The following COL22A1 variants were observed in gnomAD, a reference collection of about 807,000 sequenced individuals.
COL22A1 encodes the protein collagen alpha-1(XXII) chain.
COL22A1 carries 221 observed loss-of-function variants against 248.9 expected under a neutral mutation model. That is an observed-to-expected ratio of 0.89 (90% CI 0.80 to 0.99). The LOEUF (loss-of-function observed/expected upper bound fraction) is 0.99. Among genes scored for constraint, COL22A1 ranks in the 50% least tolerant of loss-of-function variants. The pLI is 0.00. For missense variants in COL22A1, 2,240 were observed against 2,179.0 expected (o/e 1.03, Z -0.56); for synonymous variants, 891 against 793.4 (o/e 1.12, Z -2.07).
At chr8:138,758,450 T>A (rs1833202290) in intron 18 of COL22A1, among the ~76,000 whole-genome samples, 1 of 152,166 alleles carries the variant, frequency 6.6e-6, no homozygotes. Flanking sequence ...AGTAAAATCA[T>A]TAAAAGGGCA....
At chr8:138,725,283 G>T in intron 24 of COL22A1, 104 bp downstream of exon 24, 1 of 1,186,430 alleles carries the variant, frequency 8.4e-7, no homozygotes, top group Non-Finnish European at 1.3e-6. Context: ...CACTGGACTT[G>T]GGTGGATAAA....
intron 27 of COL22A1, 91 bp downstream of exon 27, chr8:138,720,648 C>T (rs1349298841): frequency 2.8e-6 from 3 of 1,062,640 alleles, no homozygotes; most frequent in Non-Finnish European, 4.4e-6. Flanking sequence ...GATATAGACG[C>T]TATGCTTATG....
rs555993178 is a variant in COL22A1 at position 138,794,993 on chromosome 8, G to A, written c.1596+1826C>T. 2.6e-4 allele frequency among the ~76,000 whole-genome samples: 39 copies of A among 152,184 alleles called. No homozygotes were observed. The South Asian group carries it at 6.4e-3, about 25-fold the overall frequency. ...TTCTAGGGATCTGCTGTGCCACACC[G>A]TGCCTATGATCAACAGTACTGTACT... On this transcript the variant is annotated intron_variant, in intron 12 of 64. Transcript: ENST00000303045.
At chr8:138,840,458 A>G (rs566847645) in intron 4 of COL22A1, among the ~76,000 whole-genome samples, 1 of 152,188 alleles carries the variant, frequency 6.6e-6, no homozygotes, top group Admixed American at 6.5e-5. Flanking sequence ...GTCACCAAAC[A>G]GACTCTTTGA....
At chr8:138,885,541 T>C (rs967353621) in intron 1 of COL22A1, among the ~76,000 whole-genome samples, 2 of 152,114 alleles carry the variant, frequency 1.3e-5, no homozygotes, top group Admixed American at 1.3e-4. Context: ...CTACCTACTA[T>C]ATTCACCAAA....
chr8:138,745,423 T>C (rs1832027300), intron 22 of COL22A1, among the ~76,000 whole-genome samples: 1 of 152,210 alleles, frequency 6.6e-6, no homozygotes, highest in Admixed American at 6.5e-5. Flanking sequence ...TATATTAATG[T>C]CATTACCTAT....
At chr8:138,654,909 C>G (rs79281522) in intron 45 of COL22A1, among the ~76,000 whole-genome samples, 2,347 of 152,246 alleles carry the variant, frequency 0.015, 57 homozygotes, top group African/African-American at 0.054. Context: ...TGAGTTTGTC[C>G]TGGATAAAAG....
At chr8:138,810,709 A>G (rs945562867) in intron 9 of COL22A1, among the ~76,000 whole-genome samples, 11 of 152,174 alleles carry the variant, frequency 7.2e-5, no homozygotes, top group Non-Finnish European at 1.6e-4. Flanking sequence ...GGGTAGCACA[A>G]AAAGAAGGAA....
At chr8:138,824,586 C>A (rs1563812837) in intron 6 of COL22A1, among the ~76,000 whole-genome samples, 1 of 152,164 alleles carries the variant, frequency 6.6e-6, no homozygotes, top group Non-Finnish European at 1.5e-5. Context: ...ACCCAAATGA[C>A]AAATGGGGAA....
intron 31 of COL22A1, among the ~76,000 whole-genome samples, chr8:138,702,597 A>T (rs971752715): frequency 3.4e-5 from 5 of 148,966 alleles, no homozygotes; most frequent in Non-Finnish European, 4.4e-5. Context: ...CAAGATGAGG[A>T]AGAAACATTA....
intron 28 of COL22A1, among the ~76,000 whole-genome samples, 168 bp downstream of exon 28, chr8:138,716,657 G>T (rs556385792): frequency 2.2e-4 from 34 of 152,224 alleles, no homozygotes; most frequent in Non-Finnish European, 5.9e-5. Context: ...GCCACCACTC[G>T]TGACATCTGT....
At chr8:138,796,955 A>G in intron 11 of COL22A1, 98 bp from the exon 12 acceptor site, 2 of 857,296 alleles carry the variant, frequency 2.3e-6, no homozygotes, top group Non-Finnish European at 4.1e-6. Context: ...AGGATTAGAT[A>G]TTTTCTCATC....
In COL22A1 at chr8:138,726,625, G is replaced by T. The variant is rs9324494; in HGVS notation, c.2140-1185C>A. Among the ~76,000 whole-genome samples, 1,190 of 152,296 alleles carry T rather than the reference G, an allele frequency of 7.8e-3. 19 individuals are homozygous for T. Among genetic ancestry groups the T allele is most frequent in the African/African-American group, 0.027 (1,135 of 41,552 alleles). On this transcript the variant is annotated intron_variant, in intron 23 of 64. Transcript: ENST00000303045. ...CCTGGGAGTGATGCTGCACTCAGAG[G>T]GATGAAGGCAAGTGGGCAGAGAAGG...
chr8:138,685,110 C>G (rs1413563426), intron 38 of COL22A1, 98 bp downstream of exon 38: 2 of 874,118 alleles, frequency 2.3e-6, no homozygotes, highest in Admixed American at 4.3e-5. Context: ...GGCCACGGTT[C>G]AATTTCTGCA....
At chr8:138,630,789 A>G in intron 49 of COL22A1, 41 bp from the exon 50 acceptor site, 4 of 1,571,272 alleles carry the variant, frequency 2.5e-6, no homozygotes, top group Non-Finnish European at 3.5e-6. Context: ...TTGTGCATCT[A>G]GACAGAGGTC....
At position 138,693,646 on chromosome 8, in the gene COL22A1, G is replaced by A. The variant is rs892308062; in HGVS notation, c.2754C>T (p.Pro918=). The change falls in exon 35 of 65, where the codon CCC becomes CCT. Residue 918 remains proline (P), a splice_region_variant and synonymous_variant. Coordinates refer to ENST00000303045, the MANE Select transcript of COL22A1 (RefSeq NM_152888.3). ...AHGAPGAAGN[P]GAPGHVGAPG... ...AGGCAGGCCGATCATAGGGACTCACGGGGTTTCCAGCTGCTCCAGGAGCCC... is the reference window on the plus strand; with the variant it reads ...AGGCAGGCCGATCATAGGGACTCACAGGGTTTCCAGCTGCTCCAGGAGCCC... 10 of 1,582,700 alleles carry A rather than the reference G, an allele frequency of 6.3e-6. 1 individual carries two copies. The highest frequency in any genetic ancestry group is 4.7e-5 in the East Asian group (2 of 42,774).
Position 138,833,068 on chromosome 8 carries a change from C to T in COL22A1, c.816G>A (p.Met272Ile). The change falls in exon 5 of 65, where the codon ATG becomes ATA. Residue 272 changes from methionine to isoleucine, a missense_variant. Met to Ile is a conservative substitution (Grantham distance 10). Coordinates refer to ENST00000303045, the MANE Select transcript of COL22A1 (RefSeq NM_152888.3). ...ENGAQSSYVRMGSFPVVQSTE... is the reference protein window; with the variant it reads ...ENGAQSSYVRIGSFPVVQSTE... The stretch of plus-strand genomic sequence containing the variant: ...TACTTTGCACCACAGGGAAGGATCC[C>T]ATCCGTACATAGGAACTCTGAGCTC... The T allele has an allele frequency of 6.2e-7, 1 of 1,613,426 alleles. No individual in the cohort carries two copies. Among genetic ancestry groups the T allele is most frequent in the Non-Finnish European group, 8.5e-7 (1 of 1,179,328 alleles).
chr8:138,871,914 C>T (rs1823375008), intron 3 of COL22A1, among the ~76,000 whole-genome samples: 1 of 152,148 alleles, frequency 6.6e-6, no homozygotes, highest in Admixed American at 6.5e-5. Flanking sequence ...CTGCTAACTA[C>T]AACAGAAGGC....
intron 44 of COL22A1, among the ~76,000 whole-genome samples, chr8:138,656,240 C>T (rs1040026859): frequency 1.3e-5 from 2 of 152,146 alleles, no homozygotes; most frequent in Admixed American, 6.5e-5. Context: ...TTCCCTCTTC[C>T]CCCCGACCAC....
Sources: allele counts gnomAD v4.1 joint callset (sites outside exome capture counted in the v4.1 genomes callset), GRCh38; gene constraint gnomAD v4.1.1; transcripts MANE v1.5; gene names NCBI Gene and HGNC (gene_info 2026-07-23, HGNC 2026-07-21).